Variants in UQCRB observed in about 807,000 individuals in gnomAD.
The protein encoded by UQCRB is cytochrome b-c1 complex subunit 7.
Under a neutral mutation model 19.8 loss-of-function variants are expected in UQCRB, and 12 were observed. That is an observed-to-expected ratio of 0.61 (90% CI 0.39 to 0.98). The LOEUF (loss-of-function observed/expected upper bound fraction) is 0.98. Among genes scored for constraint, UQCRB ranks in the 50% least tolerant of loss-of-function variants. The pLI is 0.00. For missense variants in UQCRB, 142 were observed against 131.8 expected (o/e 1.08, Z -0.38); for synonymous variants, 39 against 42.9 (o/e 0.91, Z 0.35).
In UQCRB at chr8:96,229,710, A is replaced by T. The variant is rs1809613556; in HGVS notation, c.*1345T>A. On this transcript the variant is annotated 3_prime_UTR_variant, in exon 4 of 4. Coordinates refer to ENST00000287022, the MANE Select transcript of UQCRB (RefSeq NM_006294.5). ...GTGATCTAGTTGTCTTCAACCATAC[A>T]AAAGAAAATTGACATGATTTCAGGA... 1 of 453,818 alleles carries T rather than the reference A, an allele frequency of 2.2e-6. No individual in the cohort carries two copies. Among genetic ancestry groups the T allele is most frequent in the Admixed American group, 2.4e-5 (1 of 42,526 alleles). The allele number at this position is 453,818 out of a possible 1,614,324, so 28.1% of individuals were successfully genotyped here.
rs1809477042 is a variant in UQCRB, at chr8:96,223,346, C to T, written c.*7709G>A. Among the ~76,000 whole-genome samples the T allele has an allele frequency of 1.3e-5, 2 of 152,166 alleles. No homozygotes were observed. Among genetic ancestry groups the T allele is most frequent in the Admixed American group, 1.3e-4 (2 of 15,276 alleles). ...TTCAAGGAAGACAGAATTTAACTTT[C>T]CATTTGCTCACTTGCAAAGTGTGAT... On this transcript the variant is annotated 3_prime_UTR_variant, in exon 4 of 4. Transcript: ENST00000287022.
At position 96,224,653 on chromosome 8, in the gene UQCRB, C is replaced by T. The variant is rs1809498003; in HGVS notation, c.*6402G>A. Among the ~76,000 whole-genome samples, 2 of 152,208 alleles carry T rather than the reference C, an allele frequency of 1.3e-5. No homozygotes were observed. Among genetic ancestry groups the T allele is most frequent in the African/African-American group, 2.4e-5 (1 of 41,448 alleles). Reference sequence around the variant, plus strand: ...TCTCTTTTACCCTTCCTCACATCCACCTCTTACACATCTAACTGATATCCA... The same window carrying T: ...TCTCTTTTACCCTTCCTCACATCCATCTCTTACACATCTAACTGATATCCA... On this transcript the variant is annotated 3_prime_UTR_variant, in exon 4 of 4. Coordinates refer to ENST00000287022, the MANE Select transcript of UQCRB (RefSeq NM_006294.5).
chr8:96,231,174 G>C, intron 3 of UQCRB, 42 bp from the exon 4 acceptor site: 1 of 1,614,058 alleles, frequency 6.2e-7, no homozygotes, highest in African/African-American at 1.3e-5. Flanking sequence ...ATCACGTACT[G>C]ATATATCCCA....
rs568549963 is a variant in UQCRB at position 96,235,093 on chromosome 8, G to A, written c.19+419C>T. 8 of 283,166 alleles carry A rather than the reference G, an allele frequency of 2.8e-5. 1 individual carries two copies. The highest frequency in any genetic ancestry group is 2.0e-4 in the Admixed American group (4 of 20,352). The allele number at this position is 283,166 out of a possible 1,614,324, so 17.5% of individuals were successfully genotyped here. A position where few individuals can be genotyped will look rare whatever the true frequency, so the allele number is the denominator to read the frequency against. On this transcript the variant is annotated intron_variant, in intron 1 of 3. Coordinates refer to ENST00000287022, the MANE Select transcript of UQCRB (RefSeq NM_006294.5). ...TAAAAGGGAAATTAATATCTCCCTCGTCGCAATGGCAAGAAAATTTATAGG... is the reference window on the plus strand; with the variant it reads ...TAAAAGGGAAATTAATATCTCCCTCATCGCAATGGCAAGAAAATTTATAGG...
In UQCRB at chr8:96,224,102, C is replaced by T. The variant is rs1809489202; in HGVS notation, c.*6953G>A. The stretch of plus-strand genomic sequence containing the variant: ...TCTCATGGGGCAACCTAGCCATTCT[C>T]AAGGGCAGCCCAGTTCTGTGTGAGT... On this transcript the variant is annotated 3_prime_UTR_variant, in exon 4 of 4. Coordinates refer to ENST00000287022, the MANE Select transcript of UQCRB (RefSeq NM_006294.5). Among the ~76,000 whole-genome samples the T allele has an allele frequency of 6.6e-6, 1 of 152,206 alleles. No homozygotes were observed. The highest frequency in any genetic ancestry group is 1.5e-5 in the Non-Finnish European group (1 of 68,032).
At chr8:96,235,343 G>A in intron 1 of UQCRB, 169 bp downstream of exon 1, 2 of 1,008,066 alleles carry the variant, frequency 2.0e-6, no homozygotes, top group Non-Finnish European at 1.5e-6. Context: ...CCGCCCTGGG[G>A]ACAGCAAACG....
chr8:96,231,848 G>C lies in UQCRB; in HGVS notation c.184C>G (p.Arg62Gly). ...PENLYNDRMF[R>G]IKRALDLNLK... ...TTCAGGTCCAGTGCCCTCTTAATGC[G>C]AAACATCCTGTCATTATAAAGGTTC... is the stretch of plus-strand genomic sequence containing the variant. Residue 62 changes from arginine (R) to glycine (G), a missense_variant, in exon 3 of 4, where the codon CGC becomes GGC. Coordinates refer to ENST00000287022, the MANE Select transcript of UQCRB (RefSeq NM_006294.5). 6.2e-7 allele frequency: 1 copy of C among 1,614,082 alleles called. No individual in the cohort carries two copies. The highest frequency in any genetic ancestry group is 1.3e-5 in the African/African-American group (1 of 75,030).
rs1370517255 is a variant in UQCRB, at chr8:96,228,111, A to G, written c.*2944T>C. 3 of 454,034 alleles carry G rather than the reference A, an allele frequency of 6.6e-6. No individual in the cohort carries two copies. The highest frequency in any genetic ancestry group is 2.0e-5 in the African/African-American group (1 of 50,018). 28.1% of individuals were successfully genotyped at this position (454,034 alleles called of 1,614,324 possible). A position where few individuals can be genotyped will look rare whatever the true frequency, so the allele number is the denominator to read the frequency against. On this transcript the variant is annotated 3_prime_UTR_variant, in exon 4 of 4. Transcript: ENST00000287022. ...CAAGTGATACTAGGTAGTGCACTAC[A>G]ACAGTGAACATAAGCCAGCCATCTG...
At chr8:96,234,617 T>C in intron 1 of UQCRB, 1 of 728,820 alleles carries the variant, frequency 1.4e-6, no homozygotes, top group Non-Finnish European at 2.1e-6. Context: ...AACGGATGTT[T>C]CTGGCAACCT....
At position 96,230,547 on chromosome 8, in the gene UQCRB, T is replaced by A. The variant is rs1423440648; in HGVS notation, c.*508A>T. 5 of 453,844 alleles carry A rather than the reference T, an allele frequency of 1.1e-5. No individual in the cohort carries two copies. The highest frequency in any genetic ancestry group is 2.0e-5 in the African/African-American group (1 of 49,942). The allele number at this position is 453,844 out of a possible 1,614,324, so 28.1% of individuals were successfully genotyped here. A position where few individuals can be genotyped will look rare whatever the true frequency, so the allele number is the denominator to read the frequency against. ...TTTTATTTTTCTAACATCTTTTTGT[T>A]TTCTAGTATACATGTTAGCACAGGA... On this transcript the variant is annotated 3_prime_UTR_variant, in exon 4 of 4. Transcript: ENST00000287022.
Position 96,227,894 on chromosome 8 carries a change from G to C in UQCRB, c.*3161C>G. 1 of 454,128 alleles carries C rather than the reference G, an allele frequency of 2.2e-6. No homozygotes were observed. The highest frequency in any genetic ancestry group is 1.6e-5 in the South Asian group (1 of 64,476). 28.1% of individuals were successfully genotyped at this position (454,128 alleles called of 1,614,324 possible). On this transcript the variant is annotated 3_prime_UTR_variant, in exon 4 of 4. Transcript: ENST00000287022. ...TTAAAAACAGGAAAAGGTGCCATTA[G>C]TAAAAACTCCATCACTAACATTTTG...
chr8:96,235,332 C>T, intron 1 of UQCRB, 180 bp downstream of exon 1: 1 of 932,220 alleles, frequency 1.1e-6, no homozygotes, highest in East Asian at 2.6e-5. Context: ...TACAGGCAAG[C>T]CCGCCCTGGG....
In UQCRB at chr8:96,228,091, G is replaced by A; in HGVS notation, c.*2964C>T. On this transcript the variant is annotated 3_prime_UTR_variant, in exon 4 of 4. Coordinates refer to ENST00000287022, the MANE Select transcript of UQCRB (RefSeq NM_006294.5). ...CATCTTGACAACAGGAAGGCCAAGT[G>A]ATACTAGGTAGTGCACTACAACAGT... 1 of 454,090 alleles carries A rather than the reference G, an allele frequency of 2.2e-6. No individual in the cohort carries two copies. The highest frequency in any genetic ancestry group is 4.4e-6 in the Non-Finnish European group (1 of 226,780). The allele number at this position is 454,090 out of a possible 1,614,324, so 28.1% of individuals were successfully genotyped here. A position where few individuals can be genotyped will look rare whatever the true frequency, so the allele number is the denominator to read the frequency against.
In UQCRB at chr8:96,227,848, G is replaced by T; in HGVS notation, c.*3207C>A. The T allele has an allele frequency of 4.4e-6, 2 of 453,954 alleles. No homozygotes were observed. The highest frequency in any genetic ancestry group is 8.8e-6 in the Non-Finnish European group (2 of 226,758). The allele number at this position is 453,954 out of a possible 1,614,324, so 28.1% of individuals were successfully genotyped here. A position where few individuals can be genotyped will look rare whatever the true frequency, so the allele number is the denominator to read the frequency against. On this transcript the variant is annotated 3_prime_UTR_variant, in exon 4 of 4. Coordinates refer to ENST00000287022, the MANE Select transcript of UQCRB (RefSeq NM_006294.5). ...AATCACTACCAAAATGTACACTTTGGATTTATTAAGATTCTAGAATTTAAA... is the reference window on the plus strand; with the variant it reads ...AATCACTACCAAAATGTACACTTTGTATTTATTAAGATTCTAGAATTTAAA...
At chr8:96,231,685 T>G (rs914602105) in intron 3 of UQCRB, 89 bp downstream of exon 3, 2 of 1,566,052 alleles carry the variant, frequency 1.3e-6, no homozygotes, top group Admixed American at 1.7e-5. Context: ...CTCAGAGAAC[T>G]CTAACACTAT....
At position 96,228,136 on chromosome 8, in the gene UQCRB, G is replaced by C. The variant is rs1303201163; in HGVS notation, c.*2919C>G. ...AACAGTGAACATAAGCCAGCCATCT[G>C]TTTTTTTGCAAAGTATAGTAAAACA... On this transcript the variant is annotated 3_prime_UTR_variant, in exon 4 of 4. Transcript: ENST00000287022. 2.2e-6 allele frequency: 1 copy of C among 453,974 alleles called. No individual in the cohort carries two copies. The highest frequency in any genetic ancestry group is 4.4e-6 in the Non-Finnish European group (1 of 226,796). 28.1% of individuals were successfully genotyped at this position (453,974 alleles called of 1,614,324 possible). A position where few individuals can be genotyped will look rare whatever the true frequency, so the allele number is the denominator to read the frequency against.
rs139433147 is a variant in UQCRB, at chr8:96,234,681, T to G, written c.19+831A>C. The G allele has an allele frequency of 6.4e-3, 2,593 of 407,940 alleles. 46 individuals are homozygous for G. The highest frequency in any genetic ancestry group is 0.029 in the South Asian group (1,485 of 51,460). The allele number at this position is 407,940 out of a possible 1,614,324, so 25.3% of individuals were successfully genotyped here. On this transcript the variant is annotated intron_variant, in intron 1 of 3. Transcript: ENST00000287022. ...GGGGGCGGGGAGAAAAGGATCAACATTTTTTAAGCTACTCCAACTTGGTTG... is the reference window on the plus strand; with the variant it reads ...GGGGGCGGGGAGAAAAGGATCAACAGTTTTTAAGCTACTCCAACTTGGTTG...
At chr8:96,235,232 A>C in intron 1 of UQCRB, 1 of 585,522 alleles carries the variant, frequency 1.7e-6, no homozygotes, top group South Asian at 2.0e-5. Context: ...GCCAAGGGGA[A>C]GGACTTCCAA....
In UQCRB at chr8:96,223,468, G is replaced by A. The variant is rs1379579671; in HGVS notation, c.*7587C>T. 1.3e-5 allele frequency among the ~76,000 whole-genome samples: 2 copies of A among 152,156 alleles called. No individual in the cohort carries two copies. Among genetic ancestry groups the A allele is most frequent in the African/African-American group, 2.4e-5 (1 of 41,420 alleles). On this transcript the variant is annotated 3_prime_UTR_variant, in exon 4 of 4. Transcript: ENST00000287022. ...TCAAGGAATAAATGAAACCTGAAAT[G>A]GCCCACAGTGAACACTAGGTAAATA...
Sources: gnomAD v4.1 joint callset for allele counts (sites outside exome capture counted in the v4.1 genomes callset) on GRCh38, gnomAD v4.1.1 for gene constraint, MANE v1.5 for transcripts, NCBI Gene and HGNC (gene_info 2026-07-23, HGNC 2026-07-21) for gene names.